Variants in BMP7 observed in about 807,000 individuals in gnomAD.
BMP7 encodes osteogenic protein 1.
Under a neutral mutation model 41.2 loss-of-function variants are expected in BMP7, and 12 were observed. The ratio of observed to expected loss-of-function variants is 0.29; its 90% CI spans 0.19 to 0.47. BMP7 has a LOEUF of 0.47. Among genes scored for constraint, BMP7 ranks in the 20% least tolerant of loss-of-function variants. The pLI is 0.99. For missense variants in BMP7, 467 were observed against 606.0 expected, an observed-to-expected ratio of 0.77 and a Z score of 2.41; for synonymous variants, 248 against 250.0, an observed-to-expected ratio of 0.99 and a Z score of 0.07.
At chr20:57,172,585 G>T (rs769404004) in intron 6 of BMP7, among the ~76,000 whole-genome samples, 1 of 152,074 alleles carries the variant, frequency 6.6e-6, no homozygotes, top group African/African-American at 2.4e-5. Flanking sequence ...CATAACCAAG[G>T]TCCTTGAACC....
chr20:57,178,728 G>A (rs1983996722), intron 4 of BMP7, among the ~76,000 whole-genome samples: 1 of 152,164 alleles, frequency 6.6e-6, no homozygotes, highest in South Asian at 2.1e-4. Context: ...GGGTGGAGGA[G>A]AAGGAACATC....
intron 1 of BMP7, among the ~76,000 whole-genome samples, chr20:57,251,308 G>C (rs1368247165): frequency 6.6e-6 from 1 of 152,202 alleles, no homozygotes; most frequent in Admixed American, 6.5e-5. Context: ...CGGGGAGGTG[G>C]GGGCAGAGCG....
chr20:57,217,995 GT>G, intron 2 of BMP7, among the ~76,000 whole-genome samples: 1 of 152,288 alleles, frequency 6.6e-6, no homozygotes, highest in Admixed American at 6.5e-5. Flanking sequence ...AAAGGTATCT[GT>G]ATAAAGATAC....
intron 3 of BMP7, among the ~76,000 whole-genome samples, chr20:57,196,889 A>G (rs1984503122): frequency 6.6e-6 from 1 of 152,068 alleles, no homozygotes; most frequent in African/African-American, 2.4e-5. Context: ...CATGGCCATA[A>G]AACATACTTT....
At chr20:57,248,962 C>G (rs2066100976) in intron 1 of BMP7, among the ~76,000 whole-genome samples, 1 of 151,930 alleles carries the variant, frequency 6.6e-6, no homozygotes, top group Non-Finnish European at 1.5e-5. Context: ...CCACGCCCAG[C>G]TAATTTTTTT....
In BMP7 at chr20:57,171,085, C is replaced by T. The variant is rs367729657; in HGVS notation, c.1170G>A (p.Thr390=). 2.1e-4 allele frequency: 340 copies of T among 1,614,178 alleles called. No homozygotes were observed. In the South Asian group the frequency reaches 3.6e-3, roughly 17 times the overall value. The change falls in exon 7 of 7, where the codon ACG becomes ACA. Residue 390 remains threonine, a synonymous_variant. Coordinates refer to ENST00000395863, the MANE Select transcript of BMP7 (RefSeq NM_001719.3). This position sits in a 1 kb window ranked among gnomAD's most constrained non-coding sequence, Gnocchi z 4.5. ...TGGGCGCACAGCAGGGCTTGGGCAC[C>T]GTTTCCGGGTTGATGAAGTGGACCT... is the stretch of plus-strand genomic sequence containing the variant. ...QTLVHFINPE[T]VPKPCCAPTQ...
At position 57,187,554 on chromosome 20, in the gene BMP7, CCTCTCTCTCTCTCT is replaced by C. The variant is rs140073062; in HGVS notation, c.761-3649_761-3636del. ...CTCTAGTGTCCAGAAGGAAGCCTGC[CCTCTCTCTCTCTCT>C]CTCTCTCTCTCTCTCTACACGATTG... is the stretch of plus-strand genomic sequence containing the variant. On this transcript the variant is annotated intron_variant, in intron 3 of 6. Coordinates refer to ENST00000395863, the MANE Select transcript of BMP7 (RefSeq NM_001719.3). Among the ~76,000 whole-genome samples, 246 of 144,104 alleles carry C rather than the reference CCTCTCTCTCTCTCT, an allele frequency of 1.7e-3. 1 individual carries two copies. The highest frequency in any genetic ancestry group is 3.5e-3 in the Middle Eastern group (1 of 284). The allele number at this position is 144,104 out of a possible 152,430, so 94.5% of individuals were successfully genotyped here.
chr20:57,251,449 C>G (rs2066113239), intron 1 of BMP7, among the ~76,000 whole-genome samples: 1 of 152,204 alleles, frequency 6.6e-6, no homozygotes, highest in African/African-American at 2.4e-5. Context: ...AAAAGCCTCC[C>G]TGTGTTCGAC....
chr20:57,230,594 C>G (rs1300457096), intron 1 of BMP7, among the ~76,000 whole-genome samples: 1 of 151,322 alleles, frequency 6.6e-6, no homozygotes, highest in Non-Finnish European at 1.5e-5. Flanking sequence ...CTGCCCAAAC[C>G]AGAGGCCTGA....
intron 1 of BMP7, among the ~76,000 whole-genome samples, chr20:57,255,833 G>GA (rs2066132242): frequency 7.7e-6 from 1 of 129,334 alleles, no homozygotes; most frequent in African/African-American, 3.0e-5. Flanking sequence ...AAGAAAGAAA[G>GA]AAAAAGGAAT....
In BMP7 at chr20:57,210,999, T is replaced by G. The variant is rs578255185; in HGVS notation, c.612-8376A>C. 3.3e-5 allele frequency among the ~76,000 whole-genome samples: 5 copies of G among 152,160 alleles called. No homozygotes were observed. In the South Asian group the frequency reaches 1.0e-3, roughly 32 times the overall value. On this transcript the variant is annotated intron_variant, in intron 2 of 6. Transcript: ENST00000395863. The stretch of plus-strand genomic sequence containing the variant: ...TCACAGCCTGAGAGCCAGCCTGATA[T>G]CCCCCTCTGCTACCTTCAGACACAG...
chr20:57,183,809 T>C lies in BMP7; in HGVS notation c.871A>G (p.Ile291Val). ...FKATEVHFRSIRSTGSKQRSQ... is the reference protein window; with the variant it reads ...FKATEVHFRSVRSTGSKQRSQ... Reference sequence around the variant, plus strand: ...CGCTGTTTGCTCCCCGTGGACCGGATGCTGCGGAAGTGGACCTCCGTGGCC... The same window carrying C: ...CGCTGTTTGCTCCCCGTGGACCGGACGCTGCGGAAGTGGACCTCCGTGGCC... The change falls in exon 4 of 7, where the codon ATC becomes GTC. Residue 291 changes from isoleucine to valine, a missense_variant. By Grantham distance (29) the Ile-to-Val change is conservative (BLOSUM62 3). Coordinates refer to ENST00000395863, the MANE Select transcript of BMP7 (RefSeq NM_001719.3). The C allele has an allele frequency of 6.2e-7, 1 of 1,614,230 alleles. No homozygotes were observed. Among genetic ancestry groups the C allele is most frequent in the Non-Finnish European group, 8.5e-7 (1 of 1,180,050 alleles).
In BMP7 at chr20:57,214,777, T is replaced by G. The variant is rs1372080788; in HGVS notation, c.612-12154A>C. Reference sequence around the variant, plus strand: ...TGGAGTTTCAGTTTGTTTGTATAGTTTTTTGGGTTCTCCTCTTTTCCTGCC... The same window carrying G: ...TGGAGTTTCAGTTTGTTTGTATAGTGTTTTGGGTTCTCCTCTTTTCCTGCC... On this transcript the variant is annotated intron_variant, in intron 2 of 6. Coordinates refer to ENST00000395863, the MANE Select transcript of BMP7 (RefSeq NM_001719.3). The surrounding 1 kb of genome is among the most constrained non-coding windows in gnomAD (Gnocchi z 4.0). 6.6e-6 allele frequency: 1 copy of G among 152,248 alleles called. No homozygotes were observed. Among genetic ancestry groups the G allele is most frequent in the African/African-American group, 2.4e-5 (1 of 41,430 alleles). 9.4% of individuals were successfully genotyped at this position (152,248 alleles called of 1,614,324 possible). A position where few individuals can be genotyped will look rare whatever the true frequency, so the allele number is the denominator to read the frequency against.
rs886484533 is a variant in BMP7 at position 57,197,027 on chromosome 20, G to A, written c.760+5448C>T. ...AGTGATTCTCCTGAGTCAGCCTCCC[G>A]AGTAGCTGGGACTACAGGCGCACAC... On this transcript the variant is annotated intron_variant, in intron 3 of 6. Coordinates refer to ENST00000395863, the MANE Select transcript of BMP7 (RefSeq NM_001719.3). 1.1e-4 allele frequency among the ~76,000 whole-genome samples: 17 copies of A among 151,638 alleles called. No individual in the cohort carries two copies. In the South Asian group the frequency reaches 2.9e-3, roughly 26 times the overall value.
chr20:57,207,811 GTTTTTTTTTTTTT>G (rs572613876), intron 2 of BMP7, among the ~76,000 whole-genome samples: 2 of 109,984 alleles, frequency 1.8e-5, no homozygotes, highest in Admixed American at 1.9e-4. Flanking sequence ...ACCCCAGTTG[GTTTTTTTTTTTTT>G]TTTTTTTTTT....
Position 57,266,190 on chromosome 20 carries a change from G to T in BMP7, c.-68C>A. 2 of 1,376,176 alleles carry T rather than the reference G, an allele frequency of 1.5e-6. No homozygotes were observed. The highest frequency in any genetic ancestry group is 1.9e-6 in the Non-Finnish European group (2 of 1,069,664). 85.2% of individuals were successfully genotyped at this position (1,376,176 alleles called of 1,614,324 possible). ...CGCACCGCCCCAGGTGGCAGAGGGG[G>T]CAGGCGGCCGTCCGCGCCGCTCGGT... On this transcript the variant is annotated 5_prime_UTR_variant, in exon 1 of 7. Coordinates refer to ENST00000395863, the MANE Select transcript of BMP7 (RefSeq NM_001719.3).
chr20:57,182,387 A>G (rs1984104611), intron 4 of BMP7, among the ~76,000 whole-genome samples: 1 of 152,202 alleles, frequency 6.6e-6, no homozygotes, highest in South Asian at 2.1e-4. Flanking sequence ...CGGTTTCCCA[A>G]TCAGCCTATG....
chr20:57,248,663 C>T (rs1202426006), intron 1 of BMP7, among the ~76,000 whole-genome samples: 2 of 152,168 alleles, frequency 1.3e-5, no homozygotes, highest in African/African-American at 4.8e-5. Flanking sequence ...CACTGAGCTG[C>T]CCCTGCAAAC....
chr20:57,173,148 C>T (rs1983847568), intron 6 of BMP7, 52 bp downstream of exon 6: 1 of 1,563,738 alleles, frequency 6.4e-7, no homozygotes, highest in Non-Finnish European at 8.8e-7. Context: ...TCTGGTGGCC[C>T]CGCAGCCTGC....
Sources: allele counts gnomAD v4.1 joint callset (sites outside exome capture counted in the v4.1 genomes callset), GRCh38; gene constraint gnomAD v4.1.1; non-coding constraint Gnocchi (gnomAD v3.1); transcripts MANE v1.5; gene names NCBI Gene and HGNC (gene_info 2026-07-23, HGNC 2026-07-21).